The following RRN3 variants were observed in gnomAD, a reference collection of about 807,000 sequenced individuals.
The protein encoded by RRN3 is RNA polymerase I transcription factor RRN3.
Under a neutral mutation model 82.3 loss-of-function variants are expected in RRN3, and 38 were observed. The ratio of observed to expected loss-of-function variants is 0.46; its 90% CI spans 0.36 to 0.61. RRN3 has a LOEUF of 0.61. Ranked by LOEUF, RRN3 falls within the 20% of genes least tolerant of loss-of-function variation. RRN3 has a pLI of 0.00. For synonymous variants in RRN3, 284 were observed against 284.3 expected (o/e 1.00, Z 0.01); for missense variants, 726 against 793.1 (o/e 0.92, Z 1.02).
At position 15,060,060 on chromosome 16, in the gene RRN3, A is replaced by G; in HGVS notation, c.*1684T>C. On this transcript the variant is annotated 3_prime_UTR_variant, in exon 18 of 18. Coordinates refer to ENST00000198767, the MANE Select transcript of RRN3 (RefSeq NM_018427.5). ...TATTGAGGTACCTTTTATTGGTATA[A>G]GAACGTAAGTTCCAGATTAACCATG... The G allele has an allele frequency of 3.8e-6, 1 of 263,100 alleles. No individual in the cohort carries two copies. Among genetic ancestry groups the G allele is most frequent in the Non-Finnish European group, 7.6e-6 (1 of 131,562 alleles). The allele number at this position is 263,100 out of a possible 1,614,324, so 16.3% of individuals were successfully genotyped here.
At chr16:15,082,120 G>A (rs754853173) in intron 8 of RRN3, among the ~76,000 whole-genome samples, 4 of 152,094 alleles carry the variant, frequency 2.6e-5, no homozygotes, top group Non-Finnish European at 5.9e-5. Flanking sequence ...TAACTGCCTT[G>A]GCTAGACAAG....
At chr16:15,087,079 TAC>T (rs1322675724) in intron 3 of RRN3, among the ~76,000 whole-genome samples, 3 of 152,198 alleles carry the variant, frequency 2.0e-5, no homozygotes, top group Admixed American at 1.3e-4. Flanking sequence ...ATGTATAAAA[TAC>T]AGTGTCAATT....
At chr16:15,091,758 C>T (rs553953571) in intron 2 of RRN3, among the ~76,000 whole-genome samples, 2 of 152,292 alleles carry the variant, frequency 1.3e-5, no homozygotes, top group South Asian at 2.1e-4. Flanking sequence ...CATATGGTTA[C>T]TTAACATTTT....
chr16:15,070,242 T>G lies in RRN3; in HGVS notation c.1272A>C (p.Ser424=), dbSNP rs2151773257. 6.2e-7 allele frequency: 1 copy of G among 1,611,426 alleles called. No homozygotes were observed. The highest frequency in any genetic ancestry group is 8.5e-7 in the Non-Finnish European group (1 of 1,179,770). ...AKFIPLITVK[S]CLDLLVNWLH... ...GCCAGTTAACCAAAAGATCTAGGCATGATTTTACAGTACTAGAGAAAAGAA... is the reference window on the plus strand; with the variant it reads ...GCCAGTTAACCAAAAGATCTAGGCAGGATTTTACAGTACTAGAGAAAAGAA... The change falls in exon 14 of 18, where the codon TCA becomes TCC. Residue 424 remains serine, a synonymous_variant. Transcript: ENST00000198767.
chr16:15,063,704 CAAAAA>C (rs10664930), intron 16 of RRN3, among the ~76,000 whole-genome samples: 1 of 89,122 alleles, frequency 1.1e-5, no homozygotes. Flanking sequence ...GACTCTGTCT[CAAAAA>C]AAAAAAAAAA....
chr16:15,064,941 C>T (rs1240047555), intron 16 of RRN3, among the ~76,000 whole-genome samples: 13 of 152,126 alleles, frequency 8.5e-5, no homozygotes, highest in African/African-American at 2.9e-4. Flanking sequence ...CCGAGGCGGG[C>T]GGATCACGAG....
intron 10 of RRN3, among the ~76,000 whole-genome samples, chr16:15,075,367 A>G (rs1361507943): frequency 1.3e-5 from 2 of 151,768 alleles, no homozygotes; most frequent in Non-Finnish European, 2.9e-5. Flanking sequence ...GAGCTCAGGA[A>G]CTTGAGACCA....
At chr16:15,082,794 AT>A (rs1200682966) in intron 8 of RRN3, among the ~76,000 whole-genome samples, 1 of 152,196 alleles carries the variant, frequency 6.6e-6, no homozygotes, top group Non-Finnish European at 1.5e-5. Context: ...ACTATTAATT[AT>A]TAAAAACTGC....
At chr16:15,089,969 G>A (rs568185888) in intron 3 of RRN3, among the ~76,000 whole-genome samples, 1 of 151,924 alleles carries the variant, frequency 6.6e-6, no homozygotes, top group African/African-American at 2.4e-5. Context: ...AGCACTTTGG[G>A]AGGCCAAGGC....
At chr16:15,062,139 A>G (rs1361053373) in intron 17 of RRN3, among the ~76,000 whole-genome samples, 1 of 152,200 alleles carries the variant, frequency 6.6e-6, no homozygotes, top group Non-Finnish European at 1.5e-5. Context: ...ACATAGCGAG[A>G]CCATGTCTCT....
rs529935610 is a variant in RRN3, at chr16:15,093,894, G to A, written c.89+251C>T. Reference sequence around the variant, plus strand: ...CGCAGAAGGCAGTACCCAGGCCTGGGAAATCACGAAGAGACACAGTCGGGA... The same window carrying A: ...CGCAGAAGGCAGTACCCAGGCCTGGAAAATCACGAAGAGACACAGTCGGGA... On this transcript the variant is annotated intron_variant, in intron 1 of 17. Transcript: ENST00000198767. 2.3e-3 allele frequency: 1,231 copies of A among 527,922 alleles called. 17 individuals are homozygous for A. Among genetic ancestry groups the A allele is most frequent in the African/African-American group, 0.022 (1,104 of 50,158 alleles). 32.7% of individuals were successfully genotyped at this position (527,922 alleles called of 1,614,324 possible). A position where few individuals can be genotyped will look rare whatever the true frequency, so the allele number is the denominator to read the frequency against.
At chr16:15,077,774 G>A (rs1223826398) in intron 9 of RRN3, among the ~76,000 whole-genome samples, 2 of 152,234 alleles carry the variant, frequency 1.3e-5, no homozygotes, top group African/African-American at 4.8e-5. Context: ...CCCGGAGGTG[G>A]AGGTTGCAGT....
intron 11 of RRN3, among the ~76,000 whole-genome samples, chr16:15,074,517 A>G (rs1482173418): frequency 6.6e-6 from 1 of 152,240 alleles, no homozygotes; most frequent in African/African-American, 2.4e-5. Flanking sequence ...AAGACAGAAG[A>G]CAAATATAAC....
chr16:15,069,783 C>G (rs2045143793), intron 14 of RRN3, among the ~76,000 whole-genome samples: 1 of 152,214 alleles, frequency 6.6e-6, no homozygotes, highest in Non-Finnish European at 1.5e-5. Flanking sequence ...GCCCAGGGCT[C>G]AGCCTCACCT....
intron 3 of RRN3, among the ~76,000 whole-genome samples, chr16:15,090,238 G>GT (rs1270545148): frequency 2.0e-5 from 3 of 151,572 alleles, no homozygotes; most frequent in South Asian, 2.1e-4. Flanking sequence ...AAATCAGCAT[G>GT]TAAAAAAAAA....
intron 9 of RRN3, among the ~76,000 whole-genome samples, chr16:15,078,524 CTG>C (rs1290192937): frequency 1.3e-5 from 2 of 152,176 alleles, no homozygotes; most frequent in African/African-American, 4.8e-5. Context: ...AATCCAAGGA[CTG>C]TTGCTCTTTT....
chr16:15,068,229 T>C lies in RRN3; in HGVS notation c.1493A>G (p.Gln498Arg). The change falls in exon 15 of 18, where the codon CAG becomes CGG. Residue 498 changes from glutamine (Q) to arginine (R), a missense_variant. Around this residue, in one of 4 missense-constraint regions of RRN3, gnomAD observed 81 missense variants for 156.4 expected, o/e 0.52. Transcript: ENST00000198767. ...CAGGCAAATCTTCAGGGGATTTAGC[T>C]GGCTCATCACTATCCGCTCAAAATT... The part of the protein sequence containing the change: ...SLNFERIVMS[Q>R]LNPLKICLPS... 1 of 1,593,208 alleles carries C rather than the reference T, an allele frequency of 6.3e-7. No individual in the cohort carries two copies. The highest frequency in any genetic ancestry group is 8.5e-7 in the Non-Finnish European group (1 of 1,170,380).
intron 1 of RRN3, 196 bp downstream of exon 1, chr16:15,093,949 C>G: frequency 1.6e-6 from 1 of 609,240 alleles, no homozygotes; most frequent in East Asian, 2.9e-5. Flanking sequence ...AGAACATAGT[C>G]ACTTTTCCAG....
At chr16:15,071,349 G>C (rs1267428172) in intron 12 of RRN3, 98 bp from the exon 13 acceptor site, 55 of 1,135,872 alleles carry the variant, frequency 4.8e-5, no homozygotes, top group Middle Eastern at 3.1e-4. Flanking sequence ...GTAGGGAAAA[G>C]TTCTACTATC....
Sources: allele counts gnomAD v4.1 joint callset (sites outside exome capture counted in the v4.1 genomes callset), GRCh38; gene constraint gnomAD v4.1.1; regional missense constraint gnomAD v4.1.1; transcripts MANE v1.5; gene names NCBI Gene and HGNC (gene_info 2026-07-23, HGNC 2026-07-21).